The following ATXN2L variants were observed in gnomAD, a reference collection of about 807,000 sequenced individuals.
ATXN2L encodes ataxin 2 like.
In ATXN2L, 24 loss-of-function variants were observed where a neutral mutation model predicts 120.7. That is an observed-to-expected ratio of 0.20 (90% CI 0.14 to 0.28). The LOEUF (loss-of-function observed/expected upper bound fraction) is 0.28. Among genes scored for constraint, ATXN2L ranks in the 10% least tolerant of loss-of-function variants. The probability of loss-of-function intolerance (pLI) is 1.00; values close to 1 mark genes in which losing one functional copy is unlikely to be tolerated. For missense variants in ATXN2L, 1,312 were observed against 1,432.3 expected, an observed-to-expected ratio of 0.92 and a Z score of 1.36; for synonymous variants, 653 against 568.1, an observed-to-expected ratio of 1.15 and a Z score of -2.13.
intron 7 of ATXN2L, 42 bp from the exon 8 acceptor site, chr16:28,829,816 C>T: frequency 6.3e-7 from 1 of 1,597,506 alleles, no homozygotes; most frequent in South Asian, 1.1e-5. Flanking sequence ...CTCTTTTGTC[C>T]CCTGGCACTG....
At chr16:28,833,400 AG>A (rs1450980742) in intron 14 of ATXN2L, 38 bp from the exon 15 acceptor site, 16 of 1,614,084 alleles carry the variant, frequency 9.9e-6, no homozygotes, top group Middle Eastern at 3.3e-4. Flanking sequence ...AGGAGGGATG[AG>A]AGCAAGCCGT....
In ATXN2L at chr16:28,836,942, G is replaced by A. The variant is rs1426506594; in HGVS notation, c.*677G>A. ...TTGAATGGGAGGGGCCTCACAGAGG[G>A]CAGGGCCAGGGTCCAGCAGGGGTGG... On this transcript the variant is annotated 3_prime_UTR_variant, in exon 22 of 22. Transcript: ENST00000336783. The A allele has an allele frequency of 1.3e-6, 1 of 765,330 alleles. No individual in the cohort carries two copies. Among genetic ancestry groups the A allele is most frequent in the Non-Finnish European group, 2.2e-6 (1 of 465,042 alleles). The allele number at this position is 765,330 out of a possible 1,614,324, so 47.4% of individuals were successfully genotyped here.
At chr16:28,825,992 A>G (rs2051810091) in intron 4 of ATXN2L, 151 bp downstream of exon 4, 2 of 882,920 alleles carry the variant, frequency 2.3e-6, no homozygotes, top group African/African-American at 3.4e-5. Flanking sequence ...GAAAAAAGAC[A>G]AATTTGAGGG....
In ATXN2L at chr16:28,823,325, C is replaced by G; in HGVS notation, c.66C>G (p.Ala22=). The change falls in exon 1 of 22, where the codon GCC becomes GCG. Residue 22 remains alanine, a synonymous_variant. Coordinates refer to ENST00000336783, the MANE Select transcript of ATXN2L (RefSeq NM_007245.4). ...QPQQPPPTQQ[A]VARRPPGGTS... ...AGCAGCCGCCCCCCACGCAACAGGC[C>G]GTGGCCCGTCGGCCCCCCGGGGGCA... The G allele has an allele frequency of 7.1e-7, 1 of 1,415,784 alleles. No individual in the cohort carries two copies. Among genetic ancestry groups the G allele is most frequent in the Non-Finnish European group, 9.2e-7 (1 of 1,084,894 alleles). The allele number at this position is 1,415,784 out of a possible 1,614,324, so 87.7% of individuals were successfully genotyped here.
rs2050283825 is a variant in ATXN2L at position 28,823,354 on chromosome 16, G to C, written c.95G>C (p.Ser32Thr). ...GCCCGTCGGCCCCCCGGGGGCACCA[G>C]CCCTCCCAACGGCGGCCTCCCGGGG... Reference protein sequence around the residue: ...AVARRPPGGTSPPNGGLPGPL... With the variant: ...AVARRPPGGTTPPNGGLPGPL... The change falls in exon 1 of 22, where the codon AGC (serine) becomes ACC (threonine). Residue 32 changes from serine to threonine, a missense_variant. Transcript: ENST00000336783. 2 of 1,368,236 alleles carry C rather than the reference G, an allele frequency of 1.5e-6. No homozygotes were observed. Among genetic ancestry groups the C allele is most frequent in the African/African-American group, 3.0e-5 (2 of 66,424 alleles). 84.8% of individuals were successfully genotyped at this position (1,368,236 alleles called of 1,614,324 possible). A position where few individuals can be genotyped will look rare whatever the true frequency, so the allele number is the denominator to read the frequency against.
chr16:28,823,801 C>T (rs2050506748), intron 1 of ATXN2L: 2 of 405,204 alleles, frequency 4.9e-6, no homozygotes, highest in African/African-American at 2.1e-5. Context: ...GCAGCCCCGG[C>T]CTTCAGGGGA....
At position 28,835,271 on chromosome 16, in the gene ATXN2L, G is replaced by A; in HGVS notation, c.2564-7G>A. ...TCAGCACTGGTTCTCCCTCTTTCCTGCTGCAGCCACTGTTCACCAGTCCTA... is the reference window on the plus strand; with the variant it reads ...TCAGCACTGGTTCTCCCTCTTTCCTACTGCAGCCACTGTTCACCAGTCCTA... On this transcript the variant is annotated splice_polypyrimidine_tract_variant and splice_region_variant and intron_variant, in intron 19 of 21. Coordinates refer to ENST00000336783, the MANE Select transcript of ATXN2L (RefSeq NM_007245.4). The A allele has an allele frequency of 6.2e-7, 1 of 1,613,802 alleles. No homozygotes were observed. Among genetic ancestry groups the A allele is most frequent in the Non-Finnish European group, 8.5e-7 (1 of 1,179,928 alleles).
intron 18 of ATXN2L, 68 bp from the exon 19 acceptor site, chr16:28,834,990 A>G (rs747278019): frequency 3.2e-5 from 50 of 1,567,400 alleles, no homozygotes; most frequent in South Asian, 6.0e-5. Flanking sequence ...CTGTGCACGC[A>G]GTGACTGGCA....
chr16:28,834,577 G>A lies in ATXN2L; in HGVS notation c.2317G>A (p.Ala773Thr). ...SAPPMMQAAA[A>T]AGPPLVAATP... ...CCCGCCGATGATGCAGGCCGCCGCG[G>A]CTGCTGGCCCGCCTCTGGTGGCTGC... The change falls in exon 18 of 22, where the codon GCT (alanine) becomes ACT (threonine). Residue 773 changes from alanine to threonine, a missense_variant. Ala to Thr is a moderately conservative substitution (Grantham distance 58). Transcript: ENST00000336783. 1.2e-6 allele frequency: 2 copies of A among 1,612,860 alleles called. No homozygotes were observed. Among genetic ancestry groups the A allele is most frequent in the Non-Finnish European group, 1.7e-6 (2 of 1,179,856 alleles).
intron 7 of ATXN2L, 175 bp from the exon 8 acceptor site, chr16:28,829,683 C>T: frequency 1.3e-6 from 1 of 774,624 alleles, no homozygotes; most frequent in Admixed American, 2.5e-5. Flanking sequence ...TCTCACATTC[C>T]CAGATAAGCC....
chr16:28,835,852 C>G, intron 21 of ATXN2L, 81 bp from the exon 22 acceptor site: 8 of 1,585,412 alleles, frequency 5.0e-6, no homozygotes, highest in Non-Finnish European at 6.9e-6. Context: ...GCCACCCTTG[C>G]CATAGTGCTC....
rs775801005 is a variant in ATXN2L at position 28,835,541 on chromosome 16, C to A, written c.2686-8C>A. 4 of 1,613,112 alleles carry A rather than the reference C, an allele frequency of 2.5e-6. No homozygotes were observed. The highest frequency in any genetic ancestry group is 3.4e-6 in the Non-Finnish European group (4 of 1,179,856). On this transcript the variant is annotated splice_region_variant and splice_polypyrimidine_tract_variant and intron_variant, in intron 20 of 21. Coordinates refer to ENST00000336783, the MANE Select transcript of ATXN2L (RefSeq NM_007245.4). ...CTGTGTGGCACTCAACCTTCCCCTC[C>A]CCAGCAGCATCAGGCGGGGCAGGCC...
chr16:28,826,924 G>C lies in ATXN2L; in HGVS notation c.679G>C (p.Val227Leu). 1 of 1,596,978 alleles carries C rather than the reference G, an allele frequency of 6.3e-7. No homozygotes were observed. Among genetic ancestry groups the C allele is most frequent in the South Asian group, 1.1e-5 (1 of 88,634 alleles). ...SKVNGEHKEK[V>L]LQRWEGGDSN... is the part of the protein sequence containing the mutation. ...AGTGAATGGGGAACACAAAGAGAAG[G>C]TGCTTCAGCGCTGGGAGGGGGGTGA... The change falls in exon 6 of 22, where the codon GTG becomes CTG. Residue 227 changes from valine (V) to leucine (L), a missense_variant. By Grantham distance (32) the Val-to-Leu change is conservative. Coordinates refer to ENST00000336783, the MANE Select transcript of ATXN2L (RefSeq NM_007245.4).
Position 28,834,072 on chromosome 16 carries a change from C to G in ATXN2L, c.2033C>G (p.Ser678Cys). The change falls in exon 16 of 22, where the codon TCC becomes TGC. Residue 678 changes from serine (S) to cysteine (C), a missense_variant. Coordinates refer to ENST00000336783, the MANE Select transcript of ATXN2L (RefSeq NM_007245.4). ...PTKPLLSVNK[S>C]TSTPTSPGPR... ...CCTCCCTTGTTTTTGCAGAATAAATCCACCAGTACCCCAACTTCTCCGGGG... is the reference window on the plus strand; with the variant it reads ...CCTCCCTTGTTTTTGCAGAATAAATGCACCAGTACCCCAACTTCTCCGGGG... 6.2e-7 allele frequency: 1 copy of G among 1,612,296 alleles called. No individual in the cohort carries two copies. The highest frequency in any genetic ancestry group is 8.5e-7 in the Non-Finnish European group (1 of 1,179,536).
At chr16:28,831,351 G>A (rs973286416) in intron 10 of ATXN2L, among the ~76,000 whole-genome samples, 1 of 151,680 alleles carries the variant, frequency 6.6e-6, no homozygotes, top group Non-Finnish European at 1.5e-5. Context: ...TTTTTGAAAC[G>A]GAGTCTTGCA....
Sources: gnomAD v4.1 joint callset for allele counts (sites outside exome capture counted in the v4.1 genomes callset) on GRCh38, gnomAD v4.1.1 for gene constraint, MANE v1.5 for transcripts, NCBI Gene and HGNC (gene_info 2026-07-23, HGNC 2026-07-21) for gene names.